TXNL4A: variants seen among roughly 807,000 people sequenced by gnomAD.
TXNL4A encodes the protein thioredoxin like 4A, also known as thioredoxin-like protein 4A.
A neutral mutation model predicts 14.6 loss-of-function variants in TXNL4A; 17 were observed. The ratio of observed to expected loss-of-function variants is 1.16; its 90% CI spans 0.80 to 1.74. The LOEUF (loss-of-function observed/expected upper bound fraction) is 1.74. Ranked by LOEUF, TXNL4A falls within the 40% of genes most tolerant of loss-of-function variation. The pLI is 0.00. For synonymous variants in TXNL4A, 83 were observed against 70.6 expected (o/e 1.18, Z -0.88); for missense variants, 74 against 195.2 (o/e 0.38, Z 3.70).
chr18:79,973,506 G>A lies in TXNL4A; in HGVS notation c.*179C>T. ...TAAGTTTCCTGAGAACAAACAAGTA[G>A]GCCTGCTCCTCTCACCACGTGCTTG... On this transcript the variant is annotated 3_prime_UTR_variant, in exon 3 of 3. Transcript: ENST00000269601. 1 of 642,740 alleles carries A rather than the reference G, an allele frequency of 1.6e-6. No homozygotes were observed. The highest frequency in any genetic ancestry group is 3.1e-5 in the East Asian group (1 of 32,680). The allele number at this position is 642,740 out of a possible 1,614,324, so 39.8% of individuals were successfully genotyped here.
chr18:80,007,988 C>CA (rs1047838511), intron 1 of TXNL4A, among the ~76,000 whole-genome samples: 2 of 152,022 alleles, frequency 1.3e-5, no homozygotes, highest in African/African-American at 4.8e-5. Context: ...CCCATCTCTA[C>CA]AAAAAATGCA....
intron 1 of TXNL4A, among the ~76,000 whole-genome samples, chr18:79,997,217 A>G (rs1268264454): frequency 6.6e-6 from 1 of 152,056 alleles, no homozygotes; most frequent in Non-Finnish European, 1.5e-5. Flanking sequence ...AGCCACTTCC[A>G]TAAAGGTAGA....
chr18:80,033,699 G>T (rs1162722956), intron 1 of TXNL4A, among the ~76,000 whole-genome samples: 2 of 152,208 alleles, frequency 1.3e-5, no homozygotes, highest in Non-Finnish European at 2.9e-5. Context: ...GCTACGCAGC[G>T]CCAGGCAACC....
intron 1 of TXNL4A, among the ~76,000 whole-genome samples, chr18:80,029,693 C>A (rs909477375): frequency 6.6e-6 from 1 of 152,198 alleles, no homozygotes; most frequent in African/African-American, 2.4e-5. Flanking sequence ...AGGCATTTCA[C>A]CTCCCCTAGC....
upstream of TXNL4A, among the ~76,000 whole-genome samples, chr18:79,993,242 A>T (rs2051639476): frequency 6.6e-6 from 1 of 152,122 alleles, no homozygotes. This position sits in a 1 kb window ranked among gnomAD's most constrained non-coding sequence, Gnocchi z 4.4. Context: ...AATTTGCTGA[A>T]GTCTCGGACC....
At chr18:79,984,034 C>T (rs1050758105) in intron 1 of TXNL4A, among the ~76,000 whole-genome samples, 6 of 152,040 alleles carry the variant, frequency 3.9e-5, no homozygotes, top group African/African-American at 1.2e-4. Flanking sequence ...CTAGAGTCTG[C>T]ACCCTCAACC....
intron 1 of TXNL4A, among the ~76,000 whole-genome samples, chr18:80,005,919 G>GA (rs2051727207): frequency 1.3e-5 from 2 of 150,844 alleles, no homozygotes; most frequent in Non-Finnish European, 3.0e-5. Context: ...TTTCAAAAAA[G>GA]AAAAAAGAAA....
chr18:80,009,729 C>T lies in TXNL4A; in HGVS notation c.-61+24122G>A, dbSNP rs368375924. 9.2e-5 allele frequency among the ~76,000 whole-genome samples: 14 copies of T among 152,284 alleles called. No individual in the cohort carries two copies. In the East Asian group the frequency reaches 1.5e-3, roughly 17 times the overall value. The stretch of plus-strand genomic sequence containing the variant: ...AGAGATGAGTGTCCCACCTGACCCT[C>T]GATTTGGGATTTTTGGGGTTTTGTG... On this transcript the variant is annotated intron_variant, in intron 1 of 2. Transcript: ENST00000585474.
At position 80,002,499 on chromosome 18, in the gene TXNL4A, C is replaced by T. The variant is rs563521262; in HGVS notation, c.-60-24798G>A. ...AGAGTCCAAACTCATGTAGAAAAGG[C>T]CGTGTCCCTCAAGGCTTTCATTGTC... On this transcript the variant is annotated intron_variant, in intron 1 of 2. Coordinates refer to the TXNL4A transcript ENST00000585474. 3.9e-5 allele frequency among the ~76,000 whole-genome samples: 6 copies of T among 152,274 alleles called. No homozygotes were observed. In the South Asian group the frequency reaches 8.3e-4, roughly 21 times the overall value.
At chr18:80,013,607 T>A (rs1483199266) in intron 1 of TXNL4A, among the ~76,000 whole-genome samples, 1 of 152,090 alleles carries the variant, frequency 6.6e-6, no homozygotes, top group East Asian at 1.9e-4. Context: ...GCTAATTTTT[T>A]ATTTCTTTTT....
upstream of TXNL4A, among the ~76,000 whole-genome samples, chr18:79,990,246 C>T (rs1426445911): frequency 1.3e-5 from 2 of 152,162 alleles, no homozygotes; most frequent in Non-Finnish European, 2.9e-5. Flanking sequence ...CAATTATATA[C>T]GAAATGCTTT....
chr18:80,005,626 A>C (rs2051724916), intron 1 of TXNL4A, among the ~76,000 whole-genome samples: 1 of 152,228 alleles, frequency 6.6e-6, no homozygotes, highest in Non-Finnish European at 1.5e-5. Context: ...CCGTATTGAA[A>C]AATGTTGGCA....
chr18:79,985,127 C>T (rs2051526725), intron 1 of TXNL4A, among the ~76,000 whole-genome samples: 1 of 152,024 alleles, frequency 6.6e-6, no homozygotes, highest in East Asian at 1.9e-4. Flanking sequence ...TGATGGTGTT[C>T]CTACAAAATG....
chr18:80,019,427 T>G (rs1379422243), intron 1 of TXNL4A, among the ~76,000 whole-genome samples: 1 of 152,154 alleles, frequency 6.6e-6, no homozygotes, highest in Non-Finnish European at 1.5e-5. Flanking sequence ...TTCCCATGAT[T>G]CAAGTACCTC....
At chr18:80,027,287 C>A (rs2051890980) in intron 1 of TXNL4A, among the ~76,000 whole-genome samples, 1 of 151,984 alleles carries the variant, frequency 6.6e-6, no homozygotes. Flanking sequence ...CCTGCACAAG[C>A]CCCTGCAACA....
chr18:80,011,311 G>T lies in TXNL4A; in HGVS notation c.-61+22540C>A, dbSNP rs1218161420. On this transcript the variant is annotated intron_variant, in intron 1 of 2. Coordinates refer to the TXNL4A transcript ENST00000585474. This position sits in a 1 kb window ranked among gnomAD's most constrained non-coding sequence, Gnocchi z 4.1. The stretch of plus-strand genomic sequence containing the variant: ...TTAATTTGTTAGTGATTTCAATTTG[G>T]TTTTTAAGGACTTGTAAATTTTTCT... Among the ~76,000 whole-genome samples, 1 of 152,156 alleles carries T rather than the reference G, an allele frequency of 6.6e-6. No individual in the cohort carries two copies. Among genetic ancestry groups the T allele is most frequent in the East Asian group, 1.9e-4 (1 of 5,200 alleles).
At chr18:79,995,139 C>T (rs980159285) in intron 1 of TXNL4A, 1 of 152,198 alleles carries the variant, frequency 6.6e-6, no homozygotes, top group Non-Finnish European at 1.5e-5. Flanking sequence ...CCGTAAAGAT[C>T]CAATTGGGTT....
At chr18:80,003,380 T>C (rs2051709871) in intron 1 of TXNL4A, among the ~76,000 whole-genome samples, 1 of 152,238 alleles carries the variant, frequency 6.6e-6, no homozygotes, top group South Asian at 2.1e-4. Context: ...GCATGTGAAA[T>C]CACAGCTCTC....
At chr18:80,027,324 C>A (rs1413881709) in intron 1 of TXNL4A, among the ~76,000 whole-genome samples, 1 of 151,788 alleles carries the variant, frequency 6.6e-6, no homozygotes, top group African/African-American at 2.4e-5. Flanking sequence ...AAAACAAAAA[C>A]AAAAACAAAA....
Sources: gnomAD v4.1 joint callset for allele counts (sites outside exome capture counted in the v4.1 genomes callset) on GRCh38, gnomAD v4.1.1 for gene constraint, Gnocchi (gnomAD v3.1) non-coding constraint, MANE v1.5 for transcripts, NCBI Gene and HGNC (gene_info 2026-07-23, HGNC 2026-07-21) for gene names.